Variants in MED12L observed in about 807,000 individuals in gnomAD.
The protein encoded by MED12L is mediator of RNA polymerase II transcription subunit 12-like protein.
Under a neutral mutation model 281.3 loss-of-function variants are expected in MED12L, and 60 were observed. The observed-to-expected ratio is 0.21, with a 90% CI of 0.17 to 0.26. The LOEUF (loss-of-function observed/expected upper bound fraction) is 0.26, where lower values mean the gene tolerates loss of function less well. Ranked by LOEUF, MED12L falls within the 10% of genes least tolerant of loss-of-function variation. The probability of loss-of-function intolerance (pLI) is 1.00; values close to 1 mark genes in which losing one functional copy is unlikely to be tolerated. For missense variants in MED12L, 2,146 were observed against 2,680.9 expected, an observed-to-expected ratio of 0.80 and a Z score of 4.41; for synonymous variants, 974 against 987.2, an observed-to-expected ratio of 0.99 and a Z score of 0.25.
chr3:151,395,703 A>G (rs1232861044), intron 39 of MED12L, among the ~76,000 whole-genome samples: 2 of 152,252 alleles, frequency 1.3e-5, no homozygotes, highest in African/African-American at 2.4e-5. Flanking sequence ...TGTATTAGCT[A>G]TCTTAAGATA....
At chr3:151,344,003 A>G (rs1251847659) in intron 16 of MED12L, among the ~76,000 whole-genome samples, 2 of 152,164 alleles carry the variant, frequency 1.3e-5, no homozygotes, top group African/African-American at 4.8e-5. Flanking sequence ...CATGTCTGCT[A>G]GCTTGGCTTT....
chr3:151,305,287 A>C (rs1415306906), intron 16 of MED12L, among the ~76,000 whole-genome samples: 1 of 152,156 alleles, frequency 6.6e-6, no homozygotes, highest in African/African-American at 2.4e-5. Flanking sequence ...ACCACACAAG[A>C]ATGTGATGTT....
chr3:151,291,150 G>GTT (rs59482240), intron 16 of MED12L, among the ~76,000 whole-genome samples: 9 of 127,562 alleles, frequency 7.1e-5, no homozygotes, highest in East Asian at 2.2e-4. Context: ...CTTGTTTTCT[G>GTT]TTTTTTTTTT....
chr3:151,284,401 G>A (rs778674296), intron 16 of MED12L, among the ~76,000 whole-genome samples: 4 of 152,092 alleles, frequency 2.6e-5, no homozygotes, highest in Non-Finnish European at 5.9e-5. Flanking sequence ...GGTTGTGGGA[G>A]GGTTGTGTGG....
intron 17 of MED12L, among the ~76,000 whole-genome samples, chr3:151,351,562 G>GT (rs546696755): frequency 1.9e-3 from 294 of 152,264 alleles, no homozygotes; most frequent in Middle Eastern, 3.4e-3. Flanking sequence ...TTGTTTTGGT[G>GT]TTTTCTCTGT....
At chr3:151,411,112 C>G (rs1440302227) in intron 40 of MED12L, among the ~76,000 whole-genome samples, 166 bp from the exon 41 acceptor site, 3 of 152,134 alleles carry the variant, frequency 2.0e-5, no homozygotes, top group Admixed American at 6.5e-5. Flanking sequence ...GACCATATTC[C>G]CTGCATCCAG....
At chr3:151,162,232 CAGG>C (rs988494759) in intron 8 of MED12L, among the ~76,000 whole-genome samples, 2 of 152,038 alleles carry the variant, frequency 1.3e-5, no homozygotes, top group Non-Finnish European at 2.9e-5. Context: ...AGGGCTCTGT[CAGG>C]AGGAGTTGAG....
At chr3:151,282,113 C>G (rs1308744238) in intron 16 of MED12L, among the ~76,000 whole-genome samples, 1 of 152,168 alleles carries the variant, frequency 6.6e-6, no homozygotes, top group East Asian at 1.9e-4. Context: ...CTGCCTTTCC[C>G]TGGTTGCTTT....
At chr3:151,367,589 T>C in intron 23 of MED12L, 57 bp from the exon 24 acceptor site, 1 of 1,501,842 alleles carries the variant, frequency 6.7e-7, no homozygotes, top group Non-Finnish European at 9.0e-7. Flanking sequence ...GTTATTAATC[T>C]TAGATACTGC....
intron 11 of MED12L, among the ~76,000 whole-genome samples, chr3:151,168,691 A>G (rs1048945108): frequency 6.6e-6 from 1 of 152,242 alleles, no homozygotes; most frequent in African/African-American, 2.4e-5. Context: ...ATCCTTCTGT[A>G]ATACTTAACA....
Position 151,424,620 on chromosome 3 carries a change from C to CAA in MED12L, c.6409-5672_6409-5671dup, listed in dbSNP as rs11430981. 2.5e-4 allele frequency among the ~76,000 whole-genome samples: 37 copies of CAA among 146,790 alleles called. No individual in the cohort carries two copies. The East Asian group carries it at 6.8e-3, about 27-fold the overall frequency. ...TGGACGACTGAGCAAAACTCTGTCT[C>CAA]AAAAAAAACAAAACAAAACAAAACA... On this transcript the variant is annotated intron_variant, in intron 43 of 44. Transcript: ENST00000687756.
intron 2 of MED12L, among the ~76,000 whole-genome samples, chr3:151,107,195 C>G (rs956911919): frequency 4.6e-5 from 7 of 150,832 alleles, no homozygotes; most frequent in African/African-American, 1.7e-4. Flanking sequence ...AGTTGTTGCT[C>G]TAGGAATTAC....
chr3:151,119,736 C>G (rs923197733), intron 3 of MED12L, among the ~76,000 whole-genome samples: 1 of 152,082 alleles, frequency 6.6e-6, no homozygotes, highest in Admixed American at 6.5e-5. Flanking sequence ...GAAATAACAT[C>G]TATTACACTT....
chr3:151,215,377 CTCAGTATTTTTAA>C (rs1377760998), intron 16 of MED12L, among the ~76,000 whole-genome samples: 4 of 152,096 alleles, frequency 2.6e-5, no homozygotes, highest in Non-Finnish European at 1.5e-5. Flanking sequence ...TGTAAAATAT[CTCAGTATTTTTAA>C]TACTGATCAC....
intron 4 of MED12L, among the ~76,000 whole-genome samples, chr3:151,123,380 C>T (rs1351734470): frequency 1.3e-5 from 2 of 152,188 alleles, no homozygotes; most frequent in African/African-American, 4.8e-5. Flanking sequence ...TTCAAGCTGT[C>T]TCCTTCCTAC....
chr3:151,140,689 T>G (rs1488547993), intron 5 of MED12L, among the ~76,000 whole-genome samples: 8 of 152,212 alleles, frequency 5.3e-5, no homozygotes, highest in Admixed American at 3.9e-4. Context: ...TATTTATTAT[T>G]TATTTTTTGA....
intron 2 of MED12L, among the ~76,000 whole-genome samples, chr3:151,115,418 G>C (rs538797332): frequency 8.2e-6 from 1 of 121,552 alleles, no homozygotes; most frequent in Non-Finnish European, 1.6e-5. Flanking sequence ...GTGTGATCTC[G>C]GCTCACTTCA....
At chr3:151,213,670 G>C in intron 16 of MED12L, 1 of 1,614,122 alleles carries the variant, frequency 6.2e-7, no homozygotes, top group Non-Finnish European at 8.5e-7. Flanking sequence ...CTTAAGGTGG[G>C]ACTTAAAGAT....
In MED12L at chr3:151,357,213, T is replaced by C. The variant is rs1362142646; in HGVS notation, c.2662T>C (p.Leu888=). The C allele has an allele frequency of 6.3e-7, 1 of 1,592,076 alleles. No homozygotes were observed. Among genetic ancestry groups the C allele is most frequent in the East Asian group, 2.2e-5 (1 of 44,606 alleles). ...TATTCAGTCTTTTCTCCTGTTACAG[T>C]TACTAAATGAACTGAGTGTTGTGGA... ...INGLIDFAIQ[L]LNELSVVEAE... The change falls in exon 20 of 45, where the codon TTA becomes CTA. Residue 888 remains leucine, a splice_region_variant and synonymous_variant. Coordinates refer to ENST00000687756, the MANE Select transcript of MED12L (RefSeq NM_001393769.1).
Sources: gnomAD v4.1 joint callset for allele counts (sites outside exome capture counted in the v4.1 genomes callset) on GRCh38, gnomAD v4.1.1 for gene constraint, MANE v1.5 for transcripts, NCBI Gene and HGNC (gene_info 2026-07-23, HGNC 2026-07-21) for gene names.